The following MAST4 variants were observed in gnomAD, a reference collection of about 807,000 sequenced individuals.
The protein encoded by MAST4 is microtubule associated serine/threonine kinase family member 4.
Under a neutral mutation model 162.7 loss-of-function variants are expected in MAST4, and 89 were observed. The ratio of observed to expected loss-of-function variants is 0.55; its 90% confidence interval spans 0.46 to 0.65. MAST4 has a LOEUF of 0.65. MAST4 is among the 30% of genes least tolerant of loss of function. The pLI is 0.00. For missense variants in MAST4, 3,153 were observed against 3,374.0 expected (o/e 0.93, Z 1.62); for synonymous variants, 1,479 against 1,361.1 (o/e 1.09, Z -1.91).
intron 1 of MAST4, among the ~76,000 whole-genome samples, chr5:66,747,058 T>C (rs868032320): frequency 3.3e-5 from 5 of 151,708 alleles, no homozygotes; most frequent in Non-Finnish European, 7.4e-5. Flanking sequence ...GGGGCTGTGA[T>C]GAAATTGTAT....
At chr5:66,673,134 T>A (rs968348846) in intron 1 of MAST4, among the ~76,000 whole-genome samples, 6 of 152,348 alleles carry the variant, frequency 3.9e-5, no homozygotes, top group Admixed American at 6.5e-5. Context: ...CCATTTTTTT[T>A]AACTGGAATT....
chr5:67,050,358 A>G (rs1347671901), intron 4 of MAST4, among the ~76,000 whole-genome samples: 6 of 152,196 alleles, frequency 3.9e-5, no homozygotes, highest in Non-Finnish European at 8.8e-5. Flanking sequence ...ATGTCACTCC[A>G]AAGCATCTCC....
intron 4 of MAST4, chr5:67,001,416 A>T (rs930915727): frequency 7.9e-5 from 12 of 151,842 alleles, no homozygotes; most frequent in African/African-American, 2.9e-4. Flanking sequence ...TTCAGTTTGG[A>T]TACAACCCAA....
chr5:66,740,070 G>A (rs1210509278), intron 1 of MAST4, among the ~76,000 whole-genome samples: 10 of 152,214 alleles, frequency 6.6e-5, no homozygotes, highest in Admixed American at 6.5e-4. Flanking sequence ...GGGCTGCTAG[G>A]CCTGTGGGAG....
intron 7 of MAST4, among the ~76,000 whole-genome samples, chr5:67,096,264 A>G (rs922455611): frequency 6.6e-6 from 1 of 152,252 alleles, no homozygotes; most frequent in African/African-American, 2.4e-5. Flanking sequence ...GCCCCAAACT[A>G]TAACATTTCA....
intron 3 of MAST4, among the ~76,000 whole-genome samples, chr5:66,872,385 G>T (rs1320573179): frequency 6.6e-6 from 1 of 152,126 alleles, no homozygotes; most frequent in African/African-American, 2.4e-5. Flanking sequence ...GGCCAGGCTG[G>T]TCTCAAACTC....
At chr5:66,919,696 A>G (rs1433373364) in intron 4 of MAST4, among the ~76,000 whole-genome samples, 3 of 151,736 alleles carry the variant, frequency 2.0e-5, no homozygotes, top group Non-Finnish European at 4.4e-5. Flanking sequence ...AAGGTGATAA[A>G]CAGTTACCTT....
intron 4 of MAST4, among the ~76,000 whole-genome samples, chr5:66,980,232 C>T (rs1473542153): frequency 6.6e-6 from 1 of 152,160 alleles, no homozygotes; most frequent in Non-Finnish European, 1.5e-5. Flanking sequence ...TGAGTAGAGC[C>T]AGCTGCAGCC....
At chr5:67,076,837 A>T (rs1761710930) in intron 5 of MAST4, among the ~76,000 whole-genome samples, 2 of 152,186 alleles carry the variant, frequency 1.3e-5, no homozygotes, top group African/African-American at 4.8e-5. Context: ...TTCCCAGATG[A>T]GCAGCAGCAT....
At chr5:66,611,930 TG>T (rs1198550657) in intron 1 of MAST4, among the ~76,000 whole-genome samples, 18 of 152,372 alleles carry the variant, frequency 1.2e-4, no homozygotes, top group Non-Finnish European at 5.9e-5. Context: ...GTGTCATGGA[TG>T]TTCAAAATTT....
intron 4 of MAST4, among the ~76,000 whole-genome samples, chr5:66,907,294 G>C (rs1330913814): frequency 1.3e-5 from 2 of 149,740 alleles, no homozygotes; most frequent in African/African-American, 5.1e-5. Flanking sequence ...CCATTGCAAA[G>C]GGTGCAAACT....
intron 4 of MAST4, among the ~76,000 whole-genome samples, chr5:66,981,197 AT>A (rs55682610): frequency 1 from 152,093 of 152,242 alleles, 75,972 homozygotes; most frequent in Middle Eastern, 1. Flanking sequence ...TCCAAGTGGG[AT>A]TTTTTTTGCA....
intron 1 of MAST4, among the ~76,000 whole-genome samples, chr5:66,671,136 T>A (rs944518959): frequency 6.6e-6 from 1 of 152,230 alleles, no homozygotes; most frequent in African/African-American, 2.4e-5. Flanking sequence ...TGTATTTTTT[T>A]AAATTGCTGC....
chr5:67,121,213 C>T (rs1581634314), intron 14 of MAST4, 111 bp downstream of exon 14: 1 of 772,488 alleles, frequency 1.3e-6, no homozygotes, highest in South Asian at 1.8e-5. Flanking sequence ...CTTGACTTTT[C>T]AGATCACTGC....
intron 3 of MAST4, among the ~76,000 whole-genome samples, chr5:66,841,982 T>A (rs1758462381): frequency 6.6e-6 from 1 of 152,096 alleles, no homozygotes; most frequent in South Asian, 2.1e-4. Flanking sequence ...TACATTACAA[T>A]GAAATAAGAA....
chr5:67,049,509 T>TCACAC (rs1757905976), intron 4 of MAST4, among the ~76,000 whole-genome samples: 3 of 152,160 alleles, frequency 2.0e-5, no homozygotes, highest in Non-Finnish European at 4.4e-5. Flanking sequence ...TCATCTTCTC[T>TCACAC]AAAGGTGTGA....
chr5:66,597,473 G>T (rs1742266722), intron 1 of MAST4, among the ~76,000 whole-genome samples: 1 of 152,032 alleles, frequency 6.6e-6, no homozygotes, highest in Non-Finnish European at 1.5e-5. Flanking sequence ...GGGGGGCAGC[G>T]GTAGCCGCGG....
At chr5:66,655,659 C>T (rs546933789) in intron 1 of MAST4, among the ~76,000 whole-genome samples, 1 of 152,220 alleles carries the variant, frequency 6.6e-6, no homozygotes, top group South Asian at 2.1e-4. Context: ...AAAGAAAGCA[C>T]CTAGAGTAGT....
chr5:67,029,585 CA>C (rs1008085464), intron 4 of MAST4, among the ~76,000 whole-genome samples: 2 of 152,010 alleles, frequency 1.3e-5, no homozygotes, highest in Admixed American at 1.3e-4. Context: ...AGAAATTGAG[CA>C]GGAAATTGGG....
Sources: allele counts gnomAD v4.1 joint callset (sites outside exome capture counted in the v4.1 genomes callset), GRCh38; gene constraint gnomAD v4.1.1; transcripts MANE v1.5; gene names NCBI Gene and HGNC (gene_info 2026-07-23, HGNC 2026-07-21).